AK8: variants seen among roughly 807,000 people sequenced by gnomAD.
AK8 encodes adenylate kinase 8.
A neutral mutation model predicts 54.6 loss-of-function variants in AK8; 44 were observed. The ratio of observed to expected loss-of-function variants is 0.81; its 90% CI spans 0.63 to 1.04. The LOEUF is 1.04. AK8 is among the 50% of genes least tolerant of loss of function. AK8 has a pLI of 0.00. For missense variants in AK8, 555 were observed against 613.6 expected, an observed-to-expected ratio of 0.90 and a Z score of 1.01; for synonymous variants, 239 against 245.6, an observed-to-expected ratio of 0.97 and a Z score of 0.25.
chr9:132,801,906 A>T (rs1840476960), intron 10 of AK8, among the ~76,000 whole-genome samples: 1 of 152,244 alleles, frequency 6.6e-6, no homozygotes, highest in Non-Finnish European at 1.5e-5. Context: ...CAGGTAGTGG[A>T]GCTTGGATTT....
intron 11 of AK8, among the ~76,000 whole-genome samples, chr9:132,746,893 GAAGTATCAAT>G (rs1260320204): frequency 6.6e-6 from 1 of 152,212 alleles, no homozygotes; most frequent in Non-Finnish European, 1.5e-5. Context: ...AATTGAAAAT[GAAGTATCAAT>G]TAGTAGTCAA....
chr9:132,778,705 T>G (rs1006977271), intron 11 of AK8, among the ~76,000 whole-genome samples: 3 of 152,200 alleles, frequency 2.0e-5, no homozygotes, highest in Non-Finnish European at 4.4e-5. Context: ...GCCTATAAAC[T>G]ATATGCCAAT....
At chr9:132,765,122 A>G (rs1838662426) in intron 11 of AK8, among the ~76,000 whole-genome samples, 1 of 151,924 alleles carries the variant, frequency 6.6e-6, no homozygotes, top group Non-Finnish European at 1.5e-5. Context: ...GTGAAACCGC[A>G]TCTCTACTAA....
rs1839937961 is a variant in AK8 at position 132,791,304 on chromosome 9, G to A, written c.1121+1330C>T. On this transcript the variant is annotated intron_variant, in intron 11 of 12. Transcript: ENST00000298545. The surrounding 1 kb of genome is among the most constrained non-coding windows in gnomAD (Gnocchi z 4.0). Reference sequence around the variant, plus strand: ...CGTGAGAACTCATTCACTATCATGAGAACAGCATGGAGGAAACCGCCCCCA... The same window carrying A: ...CGTGAGAACTCATTCACTATCATGAAAACAGCATGGAGGAAACCGCCCCCA... Among the ~76,000 whole-genome samples the A allele has an allele frequency of 6.6e-6, 1 of 152,108 alleles. No homozygotes were observed. The highest frequency in any genetic ancestry group is 1.5e-5 in the Non-Finnish European group (1 of 68,016).
At chr9:132,757,714 GC>G (rs961774350) in intron 11 of AK8, among the ~76,000 whole-genome samples, 2 of 152,060 alleles carry the variant, frequency 1.3e-5, no homozygotes, top group African/African-American at 4.8e-5. Flanking sequence ...CTTGTGGCCA[GC>G]CCCCCGAAAC....
At chr9:132,767,840 G>A (rs75023526) in intron 11 of AK8, among the ~76,000 whole-genome samples, 3,136 of 152,276 alleles carry the variant, frequency 0.021, 113 homozygotes, top group African/African-American at 0.072. Context: ...TATGGTAAGT[G>A]AAATAAGCCA....
At chr9:132,847,358 G>A (rs550074370) in intron 5 of AK8, among the ~76,000 whole-genome samples, 1 of 152,368 alleles carries the variant, frequency 6.6e-6, no homozygotes, top group East Asian at 1.9e-4. Context: ...GGCAGTGATG[G>A]TGGCTCATGA....
At chr9:132,797,979 C>G (rs1170058258) in intron 10 of AK8, among the ~76,000 whole-genome samples, 3 of 152,234 alleles carry the variant, frequency 2.0e-5, no homozygotes, top group African/African-American at 4.8e-5. Flanking sequence ...AGTCCTTTAA[C>G]CTTTTATAAG....
At position 132,770,504 on chromosome 9, in the gene AK8, G is replaced by A. The variant is rs1474815769; in HGVS notation, c.1121+22130C>T. Among the ~76,000 whole-genome samples the A allele has an allele frequency of 1.3e-5, 2 of 152,290 alleles. No homozygotes were observed. Among genetic ancestry groups the A allele is most frequent in the South Asian group, 2.1e-4 (1 of 4,834 alleles). On this transcript the variant is annotated intron_variant, in intron 11 of 12. Transcript: ENST00000298545. The surrounding 1 kb of genome is among the most constrained non-coding windows in gnomAD (Gnocchi z 4.3). Reference sequence around the variant, plus strand: ...CCCTGTGGAGGAGCGGGCTGGGAGCGCGGGGGATGCCCCTCGCCCTGCACG... The same window carrying A: ...CCCTGTGGAGGAGCGGGCTGGGAGCACGGGGGATGCCCCTCGCCCTGCACG...
intron 11 of AK8, among the ~76,000 whole-genome samples, chr9:132,764,717 C>A (rs1041403641): frequency 6.6e-6 from 1 of 152,194 alleles, no homozygotes; most frequent in African/African-American, 2.4e-5. Context: ...GGCTTCACTG[C>A]TGAATTCTAC....
intron 3 of AK8, among the ~76,000 whole-genome samples, chr9:132,865,863 A>T (rs933501040): frequency 6.6e-6 from 1 of 151,850 alleles, no homozygotes; most frequent in Non-Finnish European, 1.5e-5. Context: ...AAAGGGTTCC[A>T]TCTCAGATGA....
intron 5 of AK8, among the ~76,000 whole-genome samples, chr9:132,835,428 A>T (rs1211588510): frequency 2.0e-5 from 3 of 152,228 alleles, no homozygotes; most frequent in Non-Finnish European, 4.4e-5. Context: ...ACAGACACGG[A>T]TAACCCAGCA....
At chr9:132,830,372 C>A (rs1006172825) in intron 5 of AK8, among the ~76,000 whole-genome samples, 3 of 152,096 alleles carry the variant, frequency 2.0e-5, no homozygotes, top group Admixed American at 6.5e-5. Flanking sequence ...ACAAAATGGC[C>A]CACTAGTTTA....
At chr9:132,856,969 T>C (rs1843196018) in intron 4 of AK8, among the ~76,000 whole-genome samples, 1 of 151,942 alleles carries the variant, frequency 6.6e-6, no homozygotes, top group East Asian at 1.9e-4. Flanking sequence ...TTCTACGAGG[T>C]AGACAGCCAA....
At chr9:132,802,333 C>T (rs747605850) in intron 10 of AK8, among the ~76,000 whole-genome samples, 2 of 152,144 alleles carry the variant, frequency 1.3e-5, no homozygotes, top group East Asian at 1.9e-4. Flanking sequence ...GGGAGGGGGG[C>T]GGTGTCTCAA....
rs141224393 is a variant in AK8 at position 132,840,132 on chromosome 9, A to G, written c.403-11406T>C. 6.6e-4 allele frequency among the ~76,000 whole-genome samples: 100 copies of G among 152,102 alleles called. 1 individual carries two copies. Among genetic ancestry groups the G allele is most frequent in the Admixed American group, 1.5e-3 (23 of 15,254 alleles). The stretch of plus-strand genomic sequence containing the variant: ...TGCGCCCGGCCCCAGTCACCTCTTA[A>G]AGGTAGTACTATGGCTCTCAATGCT... On this transcript the variant is annotated intron_variant, in intron 5 of 12. Transcript: ENST00000298545.
chr9:132,868,198 G>C (rs1045554833), intron 2 of AK8, among the ~76,000 whole-genome samples: 1 of 152,224 alleles, frequency 6.6e-6, no homozygotes, highest in Non-Finnish European at 1.5e-5. Flanking sequence ...AGAGGAGAGA[G>C]GTGCTGTATC....
chr9:132,851,561 C>CA (rs1252716798), intron 5 of AK8, among the ~76,000 whole-genome samples: 10 of 152,344 alleles, frequency 6.6e-5, no homozygotes, highest in African/African-American at 2.4e-4. Flanking sequence ...CCAAGCTGTG[C>CA]ACGTGTGGGC....
intron 11 of AK8, among the ~76,000 whole-genome samples, chr9:132,738,106 T>A (rs1837202916): frequency 6.6e-6 from 1 of 151,928 alleles, no homozygotes; most frequent in Admixed American, 6.6e-5. Flanking sequence ...CAGGCTGCAG[T>A]GCAGTGGCAC....
Sources: gnomAD v4.1 joint callset for allele counts (sites outside exome capture counted in the v4.1 genomes callset) on GRCh38, gnomAD v4.1.1 for gene constraint, Gnocchi (gnomAD v3.1) non-coding constraint, MANE v1.5 for transcripts, NCBI Gene and HGNC (gene_info 2026-07-23, HGNC 2026-07-21) for gene names.